Variants in ASTN2 observed in about 807,000 individuals in gnomAD.
The protein encoded by ASTN2 is astrotactin-2.
ASTN2 carries 54 observed loss-of-function variants against 139.8 expected under a neutral mutation model. That is an observed-to-expected ratio of 0.39 (90% CI 0.31 to 0.48). The LOEUF (loss-of-function observed/expected upper bound fraction) is 0.48. ASTN2 is among the 20% of genes least tolerant of loss of function. ASTN2 has a pLI of 0.95. For synonymous variants in ASTN2, 756 were observed against 719.5 expected (o/e 1.05, Z -0.81); for missense variants, 1,565 against 1,725.1 (o/e 0.91, Z 1.64).
At chr9:116,450,868 G>A (rs908446653) in intron 20 of ASTN2, among the ~76,000 whole-genome samples, 5 of 152,082 alleles carry the variant, frequency 3.3e-5, no homozygotes, top group Non-Finnish European at 7.4e-5. Context: ...TCTAGTGCCC[G>A]GAACAGAGAG....
chr9:116,519,475 C>T (rs551373999), intron 19 of ASTN2, among the ~76,000 whole-genome samples: 140 of 151,972 alleles, frequency 9.2e-4, no homozygotes, highest in Middle Eastern at 3.4e-3. Flanking sequence ...AATATTGACA[C>T]AACCTGTCAA....
intron 2 of ASTN2, among the ~76,000 whole-genome samples, chr9:117,246,659 T>C (rs1833391206): frequency 6.6e-6 from 1 of 152,176 alleles, no homozygotes; most frequent in South Asian, 2.1e-4. Flanking sequence ...GGACAGAGGT[T>C]AAAGGAGAGT....
intron 5 of ASTN2, among the ~76,000 whole-genome samples, chr9:117,075,020 T>C (rs1482542515): frequency 6.6e-6 from 1 of 152,128 alleles, no homozygotes; most frequent in East Asian, 1.9e-4. Context: ...GGCTAAGAAG[T>C]TGAGAATTTA....
At chr9:116,575,932 T>C (rs1228703621) in intron 19 of ASTN2, among the ~76,000 whole-genome samples, 1 of 152,114 alleles carries the variant, frequency 6.6e-6, no homozygotes, top group Non-Finnish European at 1.5e-5. Context: ...GCACTGGTGA[T>C]GGGGAGAGGA....
intron 10 of ASTN2, among the ~76,000 whole-genome samples, chr9:116,892,465 G>T (rs531014936): frequency 1.6e-4 from 25 of 152,310 alleles, no homozygotes; most frequent in African/African-American, 5.5e-4. Context: ...GACCTGGCTG[G>T]TGAGAGTGGG....
intron 1 of ASTN2, among the ~76,000 whole-genome samples, chr9:117,299,555 A>T (rs1198470765): frequency 6.6e-6 from 1 of 152,220 alleles, no homozygotes; most frequent in Non-Finnish European, 1.5e-5. Context: ...GAAGGCAAGA[A>T]GGTCACAAAT....
At chr9:116,908,141 C>A (rs1312942459) in intron 10 of ASTN2, among the ~76,000 whole-genome samples, 1 of 151,998 alleles carries the variant, frequency 6.6e-6, no homozygotes, top group Non-Finnish European at 1.5e-5. Flanking sequence ...GGGTTGTGGT[C>A]CAAATTCTTC....
intron 7 of ASTN2, among the ~76,000 whole-genome samples, chr9:117,005,830 G>A (rs1458202097): frequency 1.3e-5 from 2 of 152,084 alleles, no homozygotes; most frequent in East Asian, 1.9e-4. Flanking sequence ...TTGCCTTCCT[G>A]ACTCAGGATC....
intron 1 of ASTN2, among the ~76,000 whole-genome samples, chr9:117,338,996 T>C (rs1158064039): frequency 6.6e-6 from 1 of 152,060 alleles, no homozygotes; most frequent in Non-Finnish European, 1.5e-5. Flanking sequence ...CACTAGGATG[T>C]AGACTGACTG....
chr9:117,330,735 A>G (rs1828680284), intron 1 of ASTN2, among the ~76,000 whole-genome samples: 1 of 152,166 alleles, frequency 6.6e-6, no homozygotes, highest in Non-Finnish European at 1.5e-5. Context: ...GAAACCCCAA[A>G]TTCACTGGGC....
chr9:116,873,803 G>A lies in ASTN2; in HGVS notation c.1890-10070C>T, dbSNP rs1029709715. On this transcript the variant is annotated intron_variant, in intron 10 of 22. Coordinates refer to ENST00000313400, the MANE Select transcript of ASTN2 (RefSeq NM_001365068.1). ...GTGAATTCTCACGAGATCTGGTTGTGTAAAAGTGTGTAGCACTTGCTCCTT... is the reference window on the plus strand; with the variant it reads ...GTGAATTCTCACGAGATCTGGTTGTATAAAAGTGTGTAGCACTTGCTCCTT... Among the ~76,000 whole-genome samples, 4 of 152,134 alleles carry A rather than the reference G, an allele frequency of 2.6e-5. 1 individual carries two copies. Among genetic ancestry groups the A allele is most frequent in the Admixed American group, 1.3e-4 (2 of 15,276 alleles).
At chr9:117,178,685 A>C (rs1409877234) in intron 3 of ASTN2, among the ~76,000 whole-genome samples, 1 of 152,208 alleles carries the variant, frequency 6.6e-6, no homozygotes, top group African/African-American at 2.4e-5. Flanking sequence ...CTGGCATAGA[A>C]TCCTCACCAC....
chr9:116,547,686 G>A (rs1030394231), intron 19 of ASTN2: 1 of 152,170 alleles, frequency 6.6e-6, no homozygotes, highest in Non-Finnish European at 1.5e-5. Context: ...GTGCCTGGTA[G>A]GTGGAGATCT....
rs115211899 is a variant in ASTN2 at position 116,580,843 on chromosome 9, A to G, written c.3355+37481T>C. The stretch of plus-strand genomic sequence containing the variant: ...TTTACACTTCCTTTAATTAGTCTGA[A>G]CCCTGGAAAAAGAGAGAAATAATAG... On this transcript the variant is annotated intron_variant, in intron 19 of 22. Coordinates refer to ENST00000313400, the MANE Select transcript of ASTN2 (RefSeq NM_001365068.1). 4.8e-3 allele frequency among the ~76,000 whole-genome samples: 727 copies of G among 152,272 alleles called. 6 individuals carry two copies. Among genetic ancestry groups the G allele is most frequent in the African/African-American group, 0.016 (664 of 41,558 alleles).
At chr9:117,220,929 C>T (rs1199278768) in intron 2 of ASTN2, among the ~76,000 whole-genome samples, 3 of 152,204 alleles carry the variant, frequency 2.0e-5, no homozygotes, top group Admixed American at 1.3e-4. Flanking sequence ...TTTCATGGCT[C>T]CAGTCCTCTG....
intron 19 of ASTN2, among the ~76,000 whole-genome samples, chr9:116,513,411 T>C (rs924156114): frequency 1.3e-5 from 2 of 152,220 alleles, no homozygotes; most frequent in East Asian, 3.9e-4. Flanking sequence ...TAACCCAACC[T>C]TTCTCTCTGA....
At chr9:116,474,580 C>A (rs2119025523) in intron 20 of ASTN2, among the ~76,000 whole-genome samples, 1 of 152,266 alleles carries the variant, frequency 6.6e-6, no homozygotes. Context: ...ACCTCCTTCA[C>A]AGATGGAGAT....
chr9:117,404,490 TC>T (rs1485491397), intron 1 of ASTN2, among the ~76,000 whole-genome samples: 7 of 152,170 alleles, frequency 4.6e-5, no homozygotes, highest in Non-Finnish European at 7.3e-5. Flanking sequence ...TTTACCTCAT[TC>T]TAATAATCTA....
intron 19 of ASTN2, among the ~76,000 whole-genome samples, chr9:116,579,606 C>T (rs982081060): frequency 2.0e-5 from 3 of 152,094 alleles, no homozygotes; most frequent in Admixed American, 6.5e-5. Flanking sequence ...TCCAGCCAGG[C>T]GCAATGGTAC....
Sources: allele counts gnomAD v4.1 joint callset (sites outside exome capture counted in the v4.1 genomes callset), GRCh38; gene constraint gnomAD v4.1.1; transcripts MANE v1.5; gene names NCBI Gene and HGNC (gene_info 2026-07-23, HGNC 2026-07-21).